Variants in STAT3 observed in about 807,000 individuals in gnomAD.
STAT3 encodes the protein signal transducer and activator of transcription 3.
A neutral mutation model predicts 114.3 loss-of-function variants in STAT3; 7 were observed. The observed-to-expected ratio is 0.06, with a 90% CI of 0.03 to 0.11. The LOEUF (loss-of-function observed/expected upper bound fraction) is 0.11. Among genes scored for constraint, STAT3 ranks in the 10% least tolerant of loss-of-function variants. The pLI, the probability that STAT3 is intolerant of heterozygous loss-of-function variation, is 1.00. For missense variants in STAT3, 364 were observed against 960.9 expected, an observed-to-expected ratio of 0.38 and a Z score of 8.21; for synonymous variants, 331 against 354.5, an observed-to-expected ratio of 0.93 and a Z score of 0.74.
Position 42,339,401 on chromosome 17 carries a change from G to A in STAT3, c.381C>T (p.Gly127=), listed in dbSNP as rs758609919. ...CGGCTGCTGTGGGGTGGTTGGCCTG[G>A]CCCCCTTGCTGCCAAAAAGGAGGTC... ...QTAATAAQQG[G]QANHPTAAVV... is the part of the protein sequence containing the mutation. The change falls in exon 5 of 24, where the codon GGC becomes GGT. Residue 127 remains glycine, a synonymous_variant. Transcript: ENST00000264657. The A allele has an allele frequency of 5.6e-6, 9 of 1,613,850 alleles. No individual in the cohort carries two copies. The highest frequency in any genetic ancestry group is 3.4e-6 in the Non-Finnish European group (4 of 1,179,952).
At position 42,333,953 on chromosome 17, in the gene STAT3, A is replaced by G; in HGVS notation, c.894T>C (p.Ile298=). Reference sequence around the variant, plus strand: ...CCTCCAGCATCGGCCGGTGCTGTACAATGGGGTCCCCTTTGTAGGAAACTT... The same window carrying G: ...CCTCCAGCATCGGCCGGTGCTGTACGATGGGGTCCCCTTTGTAGGAAACTT... The part of the protein sequence containing the change: ...QQKVSYKGDP[I]VQHRPMLEER... Residue 298 remains isoleucine, a synonymous_variant, in exon 9 of 24, where the codon ATT becomes ATC. Transcript: ENST00000264657. This position sits in a 1 kb window ranked among gnomAD's most constrained non-coding sequence, Gnocchi z 5.2. 6.2e-7 allele frequency: 1 copy of G among 1,614,158 alleles called. No homozygotes were observed. The highest frequency in any genetic ancestry group is 1.1e-5 in the South Asian group (1 of 91,084).
chr17:42,343,873 T>C (rs941096520), intron 4 of STAT3, among the ~76,000 whole-genome samples: 21 of 152,316 alleles, frequency 1.4e-4, no homozygotes, highest in African/African-American at 1.4e-4. Flanking sequence ...CTAGTTCCAA[T>C]TGTTATTGTT....
At chr17:42,316,189 T>G in intron 23 of STAT3, 1 of 672,618 alleles carries the variant, frequency 1.5e-6, no homozygotes, top group Middle Eastern at 5.8e-4. Context: ...TTTAAAGGCT[T>G]AGTATGAAAA....
intron 8 of STAT3, among the ~76,000 whole-genome samples, chr17:42,336,884 TAATTG>T (rs1355940264): frequency 3.9e-5 from 6 of 151,996 alleles, no homozygotes; most frequent in Non-Finnish European, 8.8e-5. Context: ...CCAAAAGCCT[TAATTG>T]AATTATTAAG....
chr17:42,329,862 GA>G, intron 11 of STAT3, 86 bp from the exon 12 acceptor site: 1 of 1,450,352 alleles, frequency 6.9e-7, no homozygotes, highest in Non-Finnish European at 9.6e-7. Context: ...TTACTGTCAT[GA>G]AAAAACCTCT....
intron 23 of STAT3, chr17:42,316,151 T>C: frequency 8.9e-7 from 1 of 1,121,032 alleles, no homozygotes; most frequent in South Asian, 2.0e-5. Context: ...AACTGAGCTG[T>C]GCTGTGGCTG....
intron 1 of STAT3, among the ~76,000 whole-genome samples, chr17:42,380,393 C>T (rs1358970361): frequency 4.0e-5 from 6 of 149,748 alleles, no homozygotes; most frequent in African/African-American, 5.0e-5. Context: ...TTTTGTTTTT[C>T]GGTTTTTTTG....
At chr17:42,321,348 C>G (rs2081474310) in intron 21 of STAT3, among the ~76,000 whole-genome samples, 1 of 151,640 alleles carries the variant, frequency 6.6e-6, no homozygotes, top group South Asian at 2.1e-4. Context: ...TGTTCTCAAA[C>G]TCCCAGGCTC....
At chr17:42,336,777 G>A (rs1000712245) in intron 8 of STAT3, among the ~76,000 whole-genome samples, 7 of 151,644 alleles carry the variant, frequency 4.6e-5, no homozygotes, top group Non-Finnish European at 1.0e-4. Flanking sequence ...TTAATTTTCT[G>A]TATTTGAATT....
At position 42,337,702 on chromosome 17, in the gene STAT3, A is replaced by G; in HGVS notation, c.645+61T>C. On this transcript the variant is annotated intron_variant, in intron 7 of 23. Coordinates refer to ENST00000264657, the MANE Select transcript of STAT3 (RefSeq NM_139276.3). This position sits in a 1 kb window ranked among gnomAD's most constrained non-coding sequence, Gnocchi z 4.0. Reference sequence around the variant, plus strand: ...GAAACCAAGCAAGTTCTGCCACAAGACGCTGAAATCCCGCAAGTGAGCGAG... The same window carrying G: ...GAAACCAAGCAAGTTCTGCCACAAGGCGCTGAAATCCCGCAAGTGAGCGAG... The G allele has an allele frequency of 6.2e-7, 1 of 1,613,564 alleles. No homozygotes were observed. The highest frequency in any genetic ancestry group is 1.1e-5 in the South Asian group (1 of 91,034).
chr17:42,359,423 A>C (rs1375944431), intron 1 of STAT3, among the ~76,000 whole-genome samples: 4 of 152,090 alleles, frequency 2.6e-5, no homozygotes, highest in African/African-American at 9.7e-5. Context: ...TTGGCATGTT[A>C]ATTTAAGGAG....
At chr17:42,342,871 C>T (rs1384041587) in intron 4 of STAT3, among the ~76,000 whole-genome samples, 1 of 152,030 alleles carries the variant, frequency 6.6e-6, no homozygotes, top group Non-Finnish European at 1.5e-5. Context: ...CTACACTTCT[C>T]CCAAGAATAC....
intron 5 of STAT3, 133 bp from the exon 6 acceptor site, chr17:42,338,945 T>A: frequency 1.3e-6 from 1 of 799,952 alleles, no homozygotes; most frequent in Non-Finnish European, 2.0e-6. Context: ...CTGCAGGCAG[T>A]ATCCCCAAGA....
intron 1 of STAT3, among the ~76,000 whole-genome samples, chr17:42,386,416 T>C (rs1253859419): frequency 6.6e-6 from 1 of 152,210 alleles, no homozygotes; most frequent in African/African-American, 2.4e-5. Context: ...TTATCTACGA[T>C]ATTAGGGTAA....
chr17:42,371,008 G>A (rs1014132680), intron 1 of STAT3, among the ~76,000 whole-genome samples: 3 of 152,158 alleles, frequency 2.0e-5, no homozygotes, highest in African/African-American at 7.2e-5. Flanking sequence ...AAGTCAGGAT[G>A]AGTCAAGTAA....
chr17:42,388,378 AGAGACAGCGCC>A lies in STAT3; in HGVS notation c.-134_-124del. 8.1e-7 allele frequency: 1 copy of A among 1,231,538 alleles called. No homozygotes were observed. Among genetic ancestry groups the A allele is most frequent in the Non-Finnish European group, 1.0e-6 (1 of 987,854 alleles). 76.3% of individuals were successfully genotyped at this position (1,231,538 alleles called of 1,614,324 possible). ...GAAGGGCCTCTCCGAGCCGAGGGGGAGAGACAGCGCCAAGCCGGGGTGCCTGTCCAGGATCC... is the reference window on the plus strand; with the variant it reads ...GAAGGGCCTCTCCGAGCCGAGGGGGAAAGCCGGGGTGCCTGTCCAGGATCC... On this transcript the variant is annotated 5_prime_UTR_variant, in exon 1 of 24. Transcript: ENST00000264657.
chr17:42,348,976 C>T (rs2082818758), intron 1 of STAT3, among the ~76,000 whole-genome samples: 1 of 152,144 alleles, frequency 6.6e-6, no homozygotes, highest in African/African-American at 2.4e-5. Context: ...AGAGATCCTC[C>T]CACCTCAGCC....
intron 21 of STAT3, among the ~76,000 whole-genome samples, chr17:42,319,484 G>T (rs1451611641): frequency 7.7e-6 from 1 of 130,320 alleles, no homozygotes; most frequent in Non-Finnish European, 1.6e-5. Context: ...AGAGGTTTCA[G>T]TGAAGCAAGA....
chr17:42,336,650 TATGTGTATATACATA>T (rs17879287), intron 8 of STAT3, among the ~76,000 whole-genome samples: 6,528 of 152,110 alleles, frequency 0.043, 437 homozygotes, highest in African/African-American at 0.15. Flanking sequence ...TTTCTATCTT[TATGTGTATATACATA>T]ATGTGTATAT....
Sources: gnomAD v4.1 joint callset for allele counts (sites outside exome capture counted in the v4.1 genomes callset) on GRCh38, gnomAD v4.1.1 for gene constraint, Gnocchi (gnomAD v3.1) non-coding constraint, MANE v1.5 for transcripts, NCBI Gene and HGNC (gene_info 2026-07-23, HGNC 2026-07-21) for gene names.